The following ATP1A1 variants were observed in gnomAD, a reference collection of about 807,000 sequenced individuals.
The protein encoded by ATP1A1 is ATPase Na+/K+ transporting subunit alpha 1, also known as sodium/potassium-transporting ATPase subunit alpha-1.
In ATP1A1, 14 loss-of-function variants were observed where a neutral mutation model predicts 114.8. The ratio of observed to expected loss-of-function variants is 0.12; its 90% CI spans 0.08 to 0.19. The LOEUF (loss-of-function observed/expected upper bound fraction) is 0.19. ATP1A1 is among the 10% of genes least tolerant of loss of function. The probability of loss-of-function intolerance (pLI) is 1.00; values close to 1 mark genes in which losing one functional copy is unlikely to be tolerated. For missense variants in ATP1A1, 524 were observed against 1,290.7 expected (o/e 0.41, Z 9.10); for synonymous variants, 471 against 466.3 (o/e 1.01, Z -0.13).
Position 116,404,031 on chromosome 1 carries a change from TA to T in ATP1A1, c.3043+57del, listed in dbSNP as rs1299130631. ...GGAGGAGTGGGAGGGGCTATAGTTCTATTGGTTTTTTGTTTCCCTCAAGGTG... is the reference window on the plus strand; with the variant it reads ...GGAGGAGTGGGAGGGGCTATAGTTCTTTGGTTTTTTGTTTCCCTCAAGGTG... On this transcript the variant is annotated intron_variant, in intron 22 of 22. Coordinates refer to ENST00000295598, the MANE Select transcript of ATP1A1 (RefSeq NM_000701.8). The surrounding 1 kb of genome is among the most constrained non-coding windows in gnomAD (Gnocchi z 4.8). 6.5e-7 allele frequency: 1 copy of T among 1,548,464 alleles called. No homozygotes were observed. Among genetic ancestry groups the T allele is most frequent in the African/African-American group, 1.4e-5 (1 of 72,702 alleles).
At position 116,390,420 on chromosome 1, in the gene ATP1A1, A is replaced by G. The variant is rs753076173; in HGVS notation, c.1222+9A>G. 5 of 1,613,520 alleles carry G rather than the reference A, an allele frequency of 3.1e-6. No individual in the cohort carries two copies. In the Admixed American group the frequency reaches 8.3e-5, roughly 27 times the overall value. Reference sequence around the variant, plus strand: ...GACAGAGAATCAGAGTGGTAAGGCCAGGGTTACCACACACCTCAGCCACCT... The same window carrying G: ...GACAGAGAATCAGAGTGGTAAGGCCGGGGTTACCACACACCTCAGCCACCT... On this transcript the variant is annotated intron_variant, in intron 9 of 22. Transcript: ENST00000295598.
chr1:116,378,818 A>T (rs1378723998), intron 1 of ATP1A1, among the ~76,000 whole-genome samples: 3 of 152,168 alleles, frequency 2.0e-5, no homozygotes, highest in Admixed American at 1.3e-4. Context: ...TATGCTGATT[A>T]TTAATCAGTT....
At chr1:116,396,968 A>G (rs1465229866) in intron 14 of ATP1A1, among the ~76,000 whole-genome samples, 1 of 152,192 alleles carries the variant, frequency 6.6e-6, no homozygotes, top group African/African-American at 2.4e-5. Flanking sequence ...ATGGTGACCT[A>G]TTATTTGCAG....
intron 18 of ATP1A1, 114 bp from the exon 19 acceptor site, chr1:116,400,747 G>T (rs1054607046): frequency 1.5e-6 from 2 of 1,297,434 alleles, no homozygotes; most frequent in African/African-American, 3.0e-5. Context: ...TATCAACCAG[G>T]GGGAAACACT....
intron 1 of ATP1A1, among the ~76,000 whole-genome samples, chr1:116,377,520 T>C (rs1441291409): frequency 1.3e-5 from 2 of 152,276 alleles, no homozygotes; most frequent in Non-Finnish European, 2.9e-5. Flanking sequence ...GCAACTGTTA[T>C]CTTCGCTCAA....
chr1:116,391,764 A>C (rs929141148), intron 10 of ATP1A1, among the ~76,000 whole-genome samples: 1 of 152,190 alleles, frequency 6.6e-6, no homozygotes, highest in African/African-American at 2.4e-5. Flanking sequence ...TAAATGTTTC[A>C]TGTTTTTCTT....
chr1:116,403,333 G>A (rs930313988), intron 21 of ATP1A1, among the ~76,000 whole-genome samples: 1 of 152,144 alleles, frequency 6.6e-6, no homozygotes, highest in Non-Finnish European at 1.5e-5. Flanking sequence ...TCAGCCTCCA[G>A]GCCCCTTGGA....
intron 3 of ATP1A1, among the ~76,000 whole-genome samples, chr1:116,386,759 G>A (rs1197561459): frequency 6.6e-6 from 1 of 152,128 alleles, no homozygotes. Flanking sequence ...ATGGAGGTGA[G>A]CCCTTCCCTG....
At chr1:116,400,468 G>A (rs1436912867) in intron 18 of ATP1A1, among the ~76,000 whole-genome samples, 1 of 152,158 alleles carries the variant, frequency 6.6e-6, no homozygotes, top group Non-Finnish European at 1.5e-5. Flanking sequence ...AAAAATGGCA[G>A]CATGTAGGAA....
chr1:116,384,806 T>G lies in ATP1A1; in HGVS notation c.147T>G (p.Asp49Glu), dbSNP rs1651973996. ...AGGATGATCATAAACTTAGCCTTGA[T>G]GAACTTCATCGTAAATATGGAACAG... Reference protein sequence around the residue: ...VSMDDHKLSLDELHRKYGTDL... With the variant: ...VSMDDHKLSLEELHRKYGTDL... The change falls in exon 3 of 23, where the codon GAT becomes GAG. Residue 49 changes from aspartate to glutamate, a missense_variant. Asp to Glu is a conservative substitution (Grantham distance 45, BLOSUM62 2). This residue lies in a region of ATP1A1 where 141 missense variants were observed against 316.6 expected (regional missense o/e 0.45). Transcript: ENST00000295598. The surrounding 1 kb of genome is among the most constrained non-coding windows in gnomAD (Gnocchi z 5.1). 1 of 1,613,484 alleles carries G rather than the reference T, an allele frequency of 6.2e-7. No homozygotes were observed. The highest frequency in any genetic ancestry group is 2.2e-5 in the East Asian group (1 of 44,882).
Position 116,395,854 on chromosome 1 carries a change from C to T in ATP1A1, c.1836+569C>T, listed in dbSNP as rs1180366353. On this transcript the variant is annotated intron_variant, in intron 13 of 22. Coordinates refer to ENST00000295598, the MANE Select transcript of ATP1A1 (RefSeq NM_000701.8). The surrounding 1 kb of genome is among the most constrained non-coding windows in gnomAD (Gnocchi z 6.4). ...GCAACCTCCGCCTCCCAGGTTCAAG[C>T]AATTCTCCTGCCCCAGCCTCCCAAG... Among the ~76,000 whole-genome samples the T allele has an allele frequency of 6.6e-6, 1 of 152,130 alleles. No homozygotes were observed. Among genetic ancestry groups the T allele is most frequent in the Non-Finnish European group, 1.5e-5 (1 of 68,020 alleles).
At position 116,404,426 on chromosome 1, in the gene ATP1A1, G is replaced by A; in HGVS notation, c.3054G>A (p.Glu1018=). 6.2e-7 allele frequency: 1 copy of A among 1,613,250 alleles called. No homozygotes were observed. Among genetic ancestry groups the A allele is most frequent in the Non-Finnish European group, 8.5e-7 (1 of 1,179,672 alleles). ...IIRRRPGGWV[E]KETYY ...CTTTGCCACCCACAGGCTGGGTGGA[G>A]AAGGAAACCTACTATTAGCCCCCCG... The change falls in exon 23 of 23, where the codon GAG becomes GAA. Residue 1018 remains glutamate, a synonymous_variant. Coordinates refer to ENST00000295598, the MANE Select transcript of ATP1A1 (RefSeq NM_000701.8). This position sits in a 1 kb window ranked among gnomAD's most constrained non-coding sequence, Gnocchi z 4.8.
chr1:116,378,442 G>T (rs1651511830), intron 1 of ATP1A1, among the ~76,000 whole-genome samples: 2 of 152,218 alleles, frequency 1.3e-5, no homozygotes, highest in African/African-American at 4.8e-5. Flanking sequence ...GATAGTTCGT[G>T]CTTTGTCCTT....
Position 116,373,366 on chromosome 1 carries a change from GCCCT to G in ATP1A1, c.-142_-139del. ...GCGGCATCGGCCCGAGCCGCCGGCCGCCCTCCCACCCTCCCGCCCCGCGGCAGCC... is the reference window on the plus strand; with the variant it reads ...GCGGCATCGGCCCGAGCCGCCGGCCGCCCACCCTCCCGCCCCGCGGCAGCC... On this transcript the variant is annotated 5_prime_UTR_variant, in exon 1 of 23. Transcript: ENST00000295598. The G allele has an allele frequency of 2.0e-6, 1 of 491,882 alleles. No individual in the cohort carries two copies. Among genetic ancestry groups the G allele is most frequent in the Middle Eastern group, 6.4e-4 (1 of 1,554 alleles). 30.5% of individuals were successfully genotyped at this position (491,882 alleles called of 1,614,324 possible).
chr1:116,385,162 A>C lies in ATP1A1; in HGVS notation c.183+320A>C. On this transcript the variant is annotated intron_variant, in intron 3 of 22. Coordinates refer to ENST00000295598, the MANE Select transcript of ATP1A1 (RefSeq NM_000701.8). This position sits in a 1 kb window ranked among gnomAD's most constrained non-coding sequence, Gnocchi z 4.3. ...CCTTTTGATGATAAATTTTCCCTTTATTTTTCTACATTTGTTAAATAGAGT... is the reference window on the plus strand; with the variant it reads ...CCTTTTGATGATAAATTTTCCCTTTCTTTTTCTACATTTGTTAAATAGAGT... The C allele has an allele frequency of 3.5e-6, 1 of 289,524 alleles. No homozygotes were observed. The highest frequency in any genetic ancestry group is 3.7e-5 in the South Asian group (1 of 27,042). 17.9% of individuals were successfully genotyped at this position (289,524 alleles called of 1,614,324 possible).
chr1:116,387,171 C>A lies in ATP1A1; in HGVS notation c.184-117C>A. 1 of 1,226,984 alleles carries A rather than the reference C, an allele frequency of 8.2e-7. No individual in the cohort carries two copies. The highest frequency in any genetic ancestry group is 1.4e-5 in the South Asian group (1 of 69,764). The allele number at this position is 1,226,984 out of a possible 1,614,324, so 76.0% of individuals were successfully genotyped here. On this transcript the variant is annotated intron_variant, in intron 3 of 22. Transcript: ENST00000295598. This position sits in a 1 kb window ranked among gnomAD's most constrained non-coding sequence, Gnocchi z 6.7. ...GCTAGGTTTTACCTTGGCTCTCTAG[C>A]TTGGGACATTTTGTTTCTTCCTTAA... is the stretch of plus-strand genomic sequence containing the variant.
chr1:116,392,915 G>A lies in ATP1A1; in HGVS notation c.1394G>A (p.Gly465Asp), dbSNP rs1652585040. The A allele has an allele frequency of 3.1e-6, 5 of 1,614,068 alleles. No individual in the cohort carries two copies. The highest frequency in any genetic ancestry group is 4.2e-6 in the Non-Finnish European group (5 of 1,180,042). ...ALLKCIELCC[G>D]SVKEMRERYA... The stretch of plus-strand genomic sequence containing the variant: ...TTAAAGTGCATAGAGCTGTGCTGTG[G>A]TTCCGTGAAGGAGATGAGAGAAAGA... Residue 465 changes from glycine (G) to aspartate (D), a missense_variant, in exon 11 of 23, where the codon GGT (glycine) becomes GAT (aspartate). Around this residue, in one of 8 missense-constraint regions of ATP1A1, gnomAD observed 143 missense variants for 259.3 expected, o/e 0.55. Coordinates refer to ENST00000295598, the MANE Select transcript of ATP1A1 (RefSeq NM_000701.8).
chr1:116,389,733 G>A lies in ATP1A1; in HGVS notation c.1023+26G>A, dbSNP rs1217143397. The A allele has an allele frequency of 1.9e-6, 3 of 1,612,906 alleles. No individual in the cohort carries two copies. The highest frequency in any genetic ancestry group is 2.7e-5 in the African/African-American group (2 of 75,016). ...GTAAGAGGCAGGTGATGGTCACCCT[G>A]ACTCAGATCAGCTTGCACGAATGTT... On this transcript the variant is annotated intron_variant, in intron 8 of 22. Transcript: ENST00000295598. The surrounding 1 kb of genome is among the most constrained non-coding windows in gnomAD (Gnocchi z 6.9).
At chr1:116,396,179 T>C (rs1022546669) in intron 13 of ATP1A1, among the ~76,000 whole-genome samples, 2 of 152,136 alleles carry the variant, frequency 1.3e-5, no homozygotes, top group African/African-American at 4.8e-5. Context: ...TTTGAATTCT[T>C]GTCACATGTT....
Sources: gnomAD v4.1 joint callset for allele counts (sites outside exome capture counted in the v4.1 genomes callset) on GRCh38, gnomAD v4.1.1 for gene constraint, gnomAD v4.1.1 regional missense constraint, Gnocchi (gnomAD v3.1) non-coding constraint, MANE v1.5 for transcripts, NCBI Gene and HGNC (gene_info 2026-07-23, HGNC 2026-07-21) for gene names.